The following UTRN variants were observed in gnomAD, a reference collection of about 807,000 sequenced individuals.
UTRN encodes the protein utrophin.
Under a neutral mutation model 463.9 loss-of-function variants are expected in UTRN, and 283 were observed. The observed-to-expected ratio is 0.61, with a 90% CI of 0.55 to 0.67. The LOEUF (loss-of-function observed/expected upper bound fraction) is 0.67. Among genes scored for constraint, UTRN ranks in the 30% least tolerant of loss-of-function variants. The pLI is 0.00. For missense variants in UTRN, 3,922 were observed against 4,084.3 expected (o/e 0.96, Z 1.08); for synonymous variants, 1,442 against 1,431.5 (o/e 1.01, Z -0.17).
intron 39 of UTRN, among the ~76,000 whole-genome samples, chr6:144,519,992 G>A (rs1215785387): frequency 6.6e-6 from 1 of 152,154 alleles, no homozygotes; most frequent in Non-Finnish European, 1.5e-5. Flanking sequence ...ATTATCTAGT[G>A]GTGCTAAATG....
chr6:144,292,941 C>T (rs117894383), intron 2 of UTRN, among the ~76,000 whole-genome samples: 2,183 of 152,162 alleles, frequency 0.014, 43 homozygotes, highest in African/African-American at 0.044. Flanking sequence ...TCCATGATAC[C>T]GGTGTTGGTT....
intron 2 of UTRN, among the ~76,000 whole-genome samples, chr6:144,303,404 A>G (rs191646007): frequency 6.6e-6 from 1 of 152,318 alleles, no homozygotes; most frequent in East Asian, 1.9e-4. Flanking sequence ...TATGTTTTCA[A>G]TGAGGTATGT....
At chr6:144,416,178 T>C (rs1361668591) in intron 3 of UTRN, among the ~76,000 whole-genome samples, 3 of 152,160 alleles carry the variant, frequency 2.0e-5, no homozygotes, top group Non-Finnish European at 1.5e-5. Context: ...TCATGCTCTA[T>C]GCAGAAATTG....
chr6:144,466,189 A>T (rs576692734), intron 23 of UTRN, among the ~76,000 whole-genome samples: 2 of 152,368 alleles, frequency 1.3e-5, no homozygotes, highest in East Asian at 1.9e-4. Flanking sequence ...GTCCAGATAG[A>T]GTTTGGAAGT....
At chr6:144,365,325 G>C (rs1779418217) in intron 2 of UTRN, among the ~76,000 whole-genome samples, 2 of 152,116 alleles carry the variant, frequency 1.3e-5, no homozygotes, top group African/African-American at 4.8e-5. Flanking sequence ...GCATATGTTT[G>C]TCTGATGAAG....
At chr6:144,841,275 A>G (rs748994772) in intron 73 of UTRN, among the ~76,000 whole-genome samples, 3 of 152,188 alleles carry the variant, frequency 2.0e-5, no homozygotes, top group Non-Finnish European at 4.4e-5. Flanking sequence ...ATCAGACTCC[A>G]GTGCAGAAAG....
At chr6:144,751,208 G>A (rs1221512233) in intron 55 of UTRN, among the ~76,000 whole-genome samples, 2 of 152,020 alleles carry the variant, frequency 1.3e-5, no homozygotes, top group African/African-American at 2.4e-5. Flanking sequence ...AAGAAAACAC[G>A]AATACAAACT....
At chr6:144,482,421 T>A (rs1365736029) in intron 27 of UTRN, 33 bp downstream of exon 27, 3 of 1,137,972 alleles carry the variant, frequency 2.6e-6, no homozygotes, top group Non-Finnish European at 3.4e-6. Flanking sequence ...GTTATTATTA[T>A]TATTATTATT....
intron 2 of UTRN, among the ~76,000 whole-genome samples, chr6:144,390,909 A>G (rs1781848519): frequency 6.6e-6 from 1 of 152,228 alleles, no homozygotes; most frequent in Non-Finnish European, 1.5e-5. Context: ...CTCTTTTGGG[A>G]CTGACACATA....
At chr6:144,445,200 A>G (rs1021061360) in intron 14 of UTRN, among the ~76,000 whole-genome samples, 14 of 152,070 alleles carry the variant, frequency 9.2e-5, no homozygotes, top group African/African-American at 3.1e-4. Flanking sequence ...AAAATATAAA[A>G]ATAAGCCAGG....
intron 73 of UTRN, 70 bp from the exon 74 acceptor site, chr6:144,846,735 A>C: frequency 6.2e-7 from 1 of 1,606,512 alleles, no homozygotes. Context: ...ACGCATTTGC[A>C]TGCCTGAGAG....
chr6:144,833,188 C>A (rs1183483068), intron 69 of UTRN, among the ~76,000 whole-genome samples: 1 of 152,180 alleles, frequency 6.6e-6, no homozygotes, highest in Non-Finnish European at 1.5e-5. Flanking sequence ...CCTGAGATTA[C>A]CATCTACTTT....
At chr6:144,720,415 C>A (rs973307537) in intron 53 of UTRN, among the ~76,000 whole-genome samples, 8 of 152,202 alleles carry the variant, frequency 5.3e-5, no homozygotes, top group Non-Finnish European at 1.0e-4. Context: ...CTCAGAGGCA[C>A]ACCAGTAGCA....
In UTRN at chr6:144,286,450, G is replaced by A. The variant is rs1321888251; in HGVS notation, c.-93+629G>A. On this transcript the variant is annotated intron_variant, in intron 1 of 74. Transcript: ENST00000367545. The surrounding 1 kb of genome is among the most constrained non-coding windows in gnomAD (Gnocchi z 4.4). The stretch of plus-strand genomic sequence containing the variant: ...GTGTGGCGCGATCGCCAAGCTCCCT[G>A]GCAGCGGCCCTGGAGAGACTGAGGG... Among the ~76,000 whole-genome samples the A allele has an allele frequency of 6.6e-6, 1 of 152,182 alleles. No individual in the cohort carries two copies. The highest frequency in any genetic ancestry group is 1.5e-5 in the Non-Finnish European group (1 of 68,034).
chr6:144,658,631 C>A (rs1779566920), intron 51 of UTRN, among the ~76,000 whole-genome samples: 2 of 152,152 alleles, frequency 1.3e-5, no homozygotes, highest in South Asian at 4.2e-4. Context: ...GTAGTGTCAC[C>A]ATTATAAGCA....
chr6:144,575,074 C>G (rs1801303616), intron 50 of UTRN, among the ~76,000 whole-genome samples: 1 of 152,116 alleles, frequency 6.6e-6, no homozygotes, highest in Admixed American at 6.6e-5. Context: ...TTTCTTAAAG[C>G]CGTTTTAACA....
intron 65 of UTRN, among the ~76,000 whole-genome samples, chr6:144,818,484 G>T (rs1779275184): frequency 6.6e-6 from 1 of 152,168 alleles, no homozygotes; most frequent in Non-Finnish European, 1.5e-5. Flanking sequence ...GCTGTGAATT[G>T]AAGACCTGGA....
chr6:144,788,527 G>A (rs1258037509), intron 61 of UTRN, among the ~76,000 whole-genome samples: 2 of 150,334 alleles, frequency 1.3e-5, no homozygotes, highest in African/African-American at 2.4e-5. Flanking sequence ...TTTGAATCTT[G>A]CATCTACAAT....
chr6:144,759,037 C>A (rs1208211094), intron 58 of UTRN, among the ~76,000 whole-genome samples: 1 of 152,048 alleles, frequency 6.6e-6, no homozygotes, highest in Non-Finnish European at 1.5e-5. Context: ...GTGAAATAGT[C>A]TTTTCTTATA....
Sources: allele counts gnomAD v4.1 joint callset (sites outside exome capture counted in the v4.1 genomes callset), GRCh38; gene constraint gnomAD v4.1.1; non-coding constraint Gnocchi (gnomAD v3.1); transcripts MANE v1.5; gene names NCBI Gene and HGNC (gene_info 2026-07-23, HGNC 2026-07-21).